The following DMD variants were observed in gnomAD, a reference collection of about 807,000 sequenced individuals.
The protein encoded by DMD is dystrophin.
DMD carries 63 observed loss-of-function variants against 330.1 expected under a neutral mutation model. The ratio of observed to expected loss-of-function variants is 0.19; its 90% CI spans 0.16 to 0.24. The LOEUF (loss-of-function observed/expected upper bound fraction) is 0.24. Among genes scored for constraint, DMD ranks in the 10% least tolerant of loss-of-function variants. The pLI, the probability that DMD is intolerant of heterozygous loss-of-function variation, is 1.00. For synonymous variants in DMD, 1,223 were observed against 959.8 expected (o/e 1.27, Z -5.07); for missense variants, 3,344 against 2,684.1 (o/e 1.25, Z -5.43).
chrX:32,402,439 A>G (rs2098091351), intron 30 of DMD, among the ~76,000 whole-genome samples: 1 of 111,326 alleles, frequency 9.0e-6, no homozygotes, highest in African/African-American at 3.3e-5. Flanking sequence ...ATCCAACTTT[A>G]GGACATTTTT....
chrX:32,982,355 G>A (rs757870504), intron 2 of DMD, among the ~76,000 whole-genome samples: 2 of 111,587 alleles, frequency 1.8e-5, no homozygotes, highest in South Asian at 7.5e-4. Flanking sequence ...AACTAGTTCT[G>A]TTAATTTAAA....
chrX:33,297,112 A>G (rs1371601184), intron 1 of DMD, among the ~76,000 whole-genome samples: 1 of 111,498 alleles, frequency 9.0e-6, no homozygotes, highest in African/African-American at 3.2e-5. Flanking sequence ...TATTATGTCC[A>G]AATTAAATTT....
chrX:32,478,540 A>T (rs1302319382), intron 21 of DMD, among the ~76,000 whole-genome samples: 1 of 111,921 alleles, frequency 8.9e-6, no homozygotes, highest in Admixed American at 9.5e-5. Context: ...TGATTAACAT[A>T]CTAGGAATGG....
intron 57 of DMD, among the ~76,000 whole-genome samples, chrX:31,486,214 T>C (rs1603244099): frequency 8.9e-6 from 1 of 112,573 alleles, no homozygotes; most frequent in South Asian, 3.7e-4. Flanking sequence ...TTAAAAACCA[T>C]AGCCATAGCT....
intron 7 of DMD, among the ~76,000 whole-genome samples, chrX:32,730,292 G>A (rs140694727): frequency 0.013 from 1,476 of 112,487 alleles, 18 homozygotes; most frequent in African/African-American, 0.045. Context: ...CCTGTGGTAA[G>A]CTACGACTGT....
At chrX:31,220,307 C>G (rs1220016084) in intron 64 of DMD, among the ~76,000 whole-genome samples, 1 of 111,399 alleles carries the variant, frequency 9.0e-6, no homozygotes, top group Non-Finnish European at 1.9e-5. Context: ...TCATTCATAC[C>G]TTCTCTAATT....
chrX:32,849,417 A>T, intron 3 of DMD, among the ~76,000 whole-genome samples: 1 of 112,213 alleles, frequency 8.9e-6, no homozygotes, highest in Non-Finnish European at 1.9e-5. Flanking sequence ...AAATACACAA[A>T]AGTACAAAGA....
At chrX:32,938,405 G>A (rs2090163872) in intron 2 of DMD, among the ~76,000 whole-genome samples, 1 of 111,284 alleles carries the variant, frequency 9.0e-6, no homozygotes, top group African/African-American at 3.3e-5. Flanking sequence ...GGACTGTAGA[G>A]CTTTTAGAAA....
chrX:32,823,597 A>G (rs1055333775), intron 4 of DMD, among the ~76,000 whole-genome samples: 17 of 112,100 alleles, frequency 1.5e-4, no homozygotes, highest in African/African-American at 4.5e-4. Context: ...ATTTACTTTC[A>G]GCACATGAAT....
At chrX:33,076,594 T>C (rs2094845343) in intron 1 of DMD, among the ~76,000 whole-genome samples, 1 of 111,502 alleles carries the variant, frequency 9.0e-6, no homozygotes, top group African/African-American at 3.3e-5. Context: ...CAAACAAAAA[T>C]AAAACAAGAA....
intron 56 of DMD, among the ~76,000 whole-genome samples, chrX:31,505,140 G>T (rs35070309): frequency 0.16 from 18,303 of 111,266 alleles, 1,459 homozygotes; most frequent in African/African-American, 0.31. Flanking sequence ...AACTTAACTT[G>T]ACCTGCCAAT....
intron 55 of DMD, among the ~76,000 whole-genome samples, chrX:31,515,964 C>T (rs2072150932): frequency 9.0e-6 from 1 of 111,481 alleles, no homozygotes; most frequent in East Asian, 2.8e-4. Flanking sequence ...AAAACAAAAA[C>T]AATTATATGA....
chrX:32,048,073 C>T (rs5927933), intron 44 of DMD, among the ~76,000 whole-genome samples: 16,333 of 101,604 alleles, frequency 0.16, 1,255 homozygotes, highest in South Asian at 0.28. Flanking sequence ...ATAATAAAAA[C>T]GATAAGGAAA....
intron 63 of DMD, among the ~76,000 whole-genome samples, chrX:31,240,428 C>T (rs1394360239): frequency 9.0e-6 from 1 of 111,518 alleles, no homozygotes; most frequent in African/African-American, 3.3e-5. Context: ...CTTTTCAATA[C>T]TATCCTCTTA....
At chrX:32,580,479 A>G (rs2053540007) in intron 13 of DMD, among the ~76,000 whole-genome samples, 1 of 112,023 alleles carries the variant, frequency 8.9e-6, no homozygotes, top group South Asian at 3.7e-4. Context: ...TTTTCTCACC[A>G]GTGAAATAGA....
intron 27 of DMD, among the ~76,000 whole-genome samples, chrX:32,446,614 C>T (rs946387369): frequency 2.7e-5 from 3 of 109,655 alleles, no homozygotes; most frequent in Non-Finnish European, 3.8e-5. Context: ...AAAATAGCAT[C>T]GGTAAATCTA....
At chrX:32,668,928 T>C (rs1281761744) in intron 9 of DMD, among the ~76,000 whole-genome samples, 1 of 111,484 alleles carries the variant, frequency 9.0e-6, no homozygotes, top group East Asian at 2.8e-4. Context: ...CATTACATTT[T>C]TCTGGACATT....
intron 44 of DMD, among the ~76,000 whole-genome samples, chrX:31,974,434 T>A (rs1382178885): frequency 1.8e-5 from 2 of 111,060 alleles, no homozygotes; most frequent in African/African-American, 6.5e-5. Context: ...TTGATTATTT[T>A]AAAAAGGAGC....
chrX:31,207,965 A>G (rs1011731165), intron 65 of DMD, among the ~76,000 whole-genome samples: 10 of 111,536 alleles, frequency 9.0e-5, no homozygotes, highest in East Asian at 2.8e-4. Context: ...GAGTTTACCT[A>G]TGTAACAGAC....
Sources: allele counts gnomAD v4.1 joint callset (sites outside exome capture counted in the v4.1 genomes callset), GRCh38; gene constraint gnomAD v4.1.1; transcripts MANE v1.5; gene names NCBI Gene and HGNC (gene_info 2026-07-23, HGNC 2026-07-21).